COL24A1: variants seen among roughly 807,000 people sequenced by gnomAD.
The protein encoded by COL24A1 is collagen alpha-1(XXIV) chain.
A neutral mutation model predicts 253.9 loss-of-function variants in COL24A1; 224 were observed. That is an observed-to-expected ratio of 0.88 (90% CI 0.79 to 0.99). COL24A1 has a LOEUF of 0.99. COL24A1 is among the 50% of genes least tolerant of loss of function. The pLI is 0.00. For synonymous variants in COL24A1, 685 were observed against 673.7 expected (o/e 1.02, Z -0.26); for missense variants, 2,131 against 2,068.5 (o/e 1.03, Z -0.59).
intron 18 of COL24A1, among the ~76,000 whole-genome samples, chr1:86,020,485 T>C (rs750890858): frequency 1.5e-4 from 23 of 152,192 alleles, no homozygotes; most frequent in Non-Finnish European, 2.9e-4. Context: ...CTCTAGCCAA[T>C]GATTTTTTTA....
intron 5 of COL24A1, among the ~76,000 whole-genome samples, chr1:86,110,966 C>T (rs554004244): frequency 4.6e-5 from 7 of 152,186 alleles, no homozygotes; most frequent in South Asian, 4.1e-4. Context: ...CAGCTCCGAC[C>T]GTTGCCCCTG....
intron 24 of COL24A1, among the ~76,000 whole-genome samples, chr1:85,926,753 G>A (rs534884611): frequency 6.8e-4 from 104 of 152,010 alleles, no homozygotes; most frequent in African/African-American, 2.2e-3. Context: ...CCAACATGGC[G>A]CATGTATACC....
intron 48 of COL24A1, among the ~76,000 whole-genome samples, chr1:85,784,877 C>T (rs1290329149): frequency 1.3e-5 from 2 of 151,940 alleles, no homozygotes; most frequent in African/African-American, 4.8e-5. Context: ...ACTACAGGCA[C>T]ACATCATTGC....
At chr1:85,972,733 G>GA (rs1370749364) in intron 20 of COL24A1, among the ~76,000 whole-genome samples, 2 of 152,120 alleles carry the variant, frequency 1.3e-5, no homozygotes, top group Admixed American at 6.6e-5. Flanking sequence ...TGCATCCCCA[G>GA]AAAAAATGAC....
intron 24 of COL24A1, among the ~76,000 whole-genome samples, chr1:85,914,304 A>ATG (rs71078628): frequency 0.086 from 11,974 of 139,136 alleles, 498 homozygotes; most frequent in Middle Eastern, 0.093. Flanking sequence ...TTTGTCATGA[A>ATG]TGTGTGTGTG....
rs1216149709 is a variant in COL24A1, at chr1:85,928,776, T to A, written c.2563-17343A>T. Reference sequence around the variant, plus strand: ...AGCCAGAAGAGAGTGGGGGCCAATATTCAACATTCTTAAAGGAAAGAATTT... The same window carrying A: ...AGCCAGAAGAGAGTGGGGGCCAATAATCAACATTCTTAAAGGAAAGAATTT... On this transcript the variant is annotated intron_variant, in intron 24 of 59. Coordinates refer to ENST00000370571, the MANE Select transcript of COL24A1 (RefSeq NM_152890.7). 3.3e-5 allele frequency among the ~76,000 whole-genome samples: 2 copies of A among 60,968 alleles called. 1 individual carries two copies. The highest frequency in any genetic ancestry group is 1.4e-4 in the African/African-American group (2 of 14,688). 40.0% of individuals were successfully genotyped at this position (60,968 alleles called of 152,430 possible). A position where few individuals can be genotyped will look rare whatever the true frequency, so the allele number is the denominator to read the frequency against.
At chr1:86,001,761 A>C (rs1335389520) in intron 19 of COL24A1, among the ~76,000 whole-genome samples, 2 of 151,942 alleles carry the variant, frequency 1.3e-5, no homozygotes, top group African/African-American at 4.8e-5. Flanking sequence ...ATATATATAC[A>C]CACACACACA....
chr1:85,924,835 G>A (rs1482531976), intron 24 of COL24A1, among the ~76,000 whole-genome samples: 1 of 152,170 alleles, frequency 6.6e-6, no homozygotes, highest in African/African-American at 2.4e-5. Flanking sequence ...AATCAGGCAA[G>A]AGAAAGAAAT....
At chr1:85,879,246 GGTGTGTGTGT>G (rs5775875) in intron 32 of COL24A1, among the ~76,000 whole-genome samples, 31,883 of 147,140 alleles carry the variant, frequency 0.22, 3,683 homozygotes, top group Non-Finnish European at 0.24. Flanking sequence ...TCATTTTGAG[GGTGTGTGTGT>G]GTGTGTGTGT....
chr1:85,814,606 G>A (rs1403286242), intron 47 of COL24A1, among the ~76,000 whole-genome samples: 1 of 152,154 alleles, frequency 6.6e-6, no homozygotes, highest in African/African-American at 2.4e-5. Context: ...TGTGTAAGCA[G>A]GCAATTCAGA....
chr1:86,127,307 GATTT>G (rs937421255), intron 2 of COL24A1, among the ~76,000 whole-genome samples: 2 of 151,916 alleles, frequency 1.3e-5, no homozygotes, highest in Non-Finnish European at 2.9e-5. Flanking sequence ...GGATTTCTCT[GATTT>G]ATTATTCATC....
At chr1:85,759,467 A>G (rs1205869090) in intron 55 of COL24A1, among the ~76,000 whole-genome samples, 1 of 152,170 alleles carries the variant, frequency 6.6e-6, no homozygotes, top group African/African-American at 2.4e-5. Context: ...TCTTATTGTC[A>G]TTTAGATGTC....
At chr1:85,776,675 T>C (rs1415683195) in intron 52 of COL24A1, among the ~76,000 whole-genome samples, 4 of 151,968 alleles carry the variant, frequency 2.6e-5, no homozygotes, top group African/African-American at 9.7e-5. Flanking sequence ...TTTTTGCTAA[T>C]TTTTGTCATT....
At chr1:85,893,511 T>G (rs909883288) in intron 31 of COL24A1, among the ~76,000 whole-genome samples, 1 of 152,118 alleles carries the variant, frequency 6.6e-6, no homozygotes, top group Admixed American at 6.5e-5. Flanking sequence ...GTTATGATAG[T>G]TTTTATATTA....
intron 24 of COL24A1, among the ~76,000 whole-genome samples, chr1:85,913,782 A>C (rs1253323778): frequency 6.6e-6 from 1 of 152,182 alleles, no homozygotes; most frequent in Non-Finnish European, 1.5e-5. Flanking sequence ...AGGTCAATGG[A>C]AAATTACAAC....
intron 26 of COL24A1, among the ~76,000 whole-genome samples, chr1:85,909,261 A>G (rs1478337949): frequency 1.3e-5 from 2 of 151,816 alleles, no homozygotes; most frequent in East Asian, 3.8e-4. Context: ...CAAAACACTT[A>G]TAGGACTTTT....
At chr1:85,799,223 GAAA>G (rs1671152825) in intron 47 of COL24A1, among the ~76,000 whole-genome samples, 1 of 150,358 alleles carries the variant, frequency 6.7e-6, no homozygotes, top group Non-Finnish European at 1.5e-5. Context: ...AAGAAAGAAA[GAAA>G]GAAAGAAAGA....
At position 85,784,281 on chromosome 1, in the gene COL24A1, T is replaced by A. The variant is rs762151921; in HGVS notation, c.4145A>T (p.Asp1382Val). Residue 1382 changes from aspartate to valine, a missense_variant, in exon 49 of 60, where the codon GAC becomes GTC. Asp to Val is a radical substitution (Grantham distance 152). Coordinates refer to ENST00000370571, the MANE Select transcript of COL24A1 (RefSeq NM_152890.7). ...GAQGDQGPCG[D>V]PGLKGQPGEY... ...TACAGGCTGCCCTTTCAGGCCAGGGTCTCCACATGGTCCTTGATCACCTTG... is the reference window on the plus strand; with the variant it reads ...TACAGGCTGCCCTTTCAGGCCAGGGACTCCACATGGTCCTTGATCACCTTG... 2.5e-6 allele frequency: 4 copies of A among 1,613,992 alleles called. No homozygotes were observed. Among genetic ancestry groups the A allele is most frequent in the East Asian group, 2.2e-5 (1 of 44,870 alleles).
rs189873159 is a variant in COL24A1, at chr1:86,091,442, C to A, written c.1653+825G>T. Among the ~76,000 whole-genome samples the A allele has an allele frequency of 7.4e-3, 1,126 of 151,726 alleles. 19 individuals carry two copies. The highest frequency in any genetic ancestry group is 0.026 in the African/African-American group (1,071 of 41,408). ...TTTCTGTAAGCCAATAAGATCAGATCGATTTTGTAACCACCAAAATTGTTC... is the reference window on the plus strand; with the variant it reads ...TTTCTGTAAGCCAATAAGATCAGATAGATTTTGTAACCACCAAAATTGTTC... On this transcript the variant is annotated intron_variant, in intron 6 of 59. Coordinates refer to ENST00000370571, the MANE Select transcript of COL24A1 (RefSeq NM_152890.7).
Sources: allele counts gnomAD v4.1 joint callset (sites outside exome capture counted in the v4.1 genomes callset), GRCh38; gene constraint gnomAD v4.1.1; transcripts MANE v1.5; gene names NCBI Gene and HGNC (gene_info 2026-07-23, HGNC 2026-07-21).